Variants in RAB5C observed in about 807,000 individuals in gnomAD.
The protein encoded by RAB5C is ras-related protein Rab-5C.
A neutral mutation model predicts 25.2 loss-of-function variants in RAB5C; 4 were observed. The observed-to-expected ratio is 0.16, with a 90% confidence interval of 0.08 to 0.36. RAB5C has a LOEUF of 0.36. Among genes scored for constraint, RAB5C ranks in the 10% least tolerant of loss-of-function variants. The pLI is 1.00. For missense variants in RAB5C, 199 were observed against 283.8 expected (o/e 0.70, Z 2.15); for synonymous variants, 100 against 106.4 (o/e 0.94, Z 0.37).
Position 42,131,929 on chromosome 17 carries a change from G to A in RAB5C, c.-88-1339C>T, listed in dbSNP as rs945804590. Reference sequence around the variant, plus strand: ...AACAGGTCCTGTGAGTAGGTATTAAGTACTGAACACTGTTCAGCATTTGAA... The same window carrying A: ...AACAGGTCCTGTGAGTAGGTATTAAATACTGAACACTGTTCAGCATTTGAA... On this transcript the variant is annotated intron_variant, in intron 1 of 5. Coordinates refer to ENST00000346213, the MANE Select transcript of RAB5C (RefSeq NM_004583.4). The A allele has an allele frequency of 3.0e-5, 8 of 265,860 alleles. No homozygotes were observed. In the Admixed American group the frequency reaches 3.1e-4, roughly 10 times the overall value. 16.5% of individuals were successfully genotyped at this position (265,860 alleles called of 1,614,324 possible). A position where few individuals can be genotyped will look rare whatever the true frequency, so the allele number is the denominator to read the frequency against.
chr17:42,146,390 T>G (rs939172892), intron 1 of RAB5C, among the ~76,000 whole-genome samples: 59 of 152,204 alleles, frequency 3.9e-4, no homozygotes, highest in African/African-American at 1.4e-3. Context: ...GTAACTTTTC[T>G]AAAAGTATTC....
chr17:42,131,994 T>C (rs898378582), intron 1 of RAB5C, among the ~76,000 whole-genome samples: 1 of 152,184 alleles, frequency 6.6e-6, no homozygotes, highest in African/African-American at 2.4e-5. Context: ...GGCTGCCCTT[T>C]GCATAATGGA....
At chr17:42,128,181 C>T in intron 4 of RAB5C, 80 bp downstream of exon 4, 3 of 1,530,088 alleles carry the variant, frequency 2.0e-6, no homozygotes, top group Non-Finnish European at 2.6e-6. Flanking sequence ...ATGGCCCTTC[C>T]CAAAGCCCCT....
intron 1 of RAB5C, chr17:42,154,607 C>G (rs1157734534): frequency 6.6e-6 from 1 of 152,320 alleles, no homozygotes; most frequent in East Asian, 1.9e-4. Flanking sequence ...TCCTCCGATT[C>G]TGGAAGCAGG....
chr17:42,154,086 C>A (rs576208252), intron 1 of RAB5C, among the ~76,000 whole-genome samples: 1 of 152,092 alleles, frequency 6.6e-6, no homozygotes, highest in Non-Finnish European at 1.5e-5. Flanking sequence ...CCCTTTGAGG[C>A]GGCTGGGAAA....
At chr17:42,148,586 C>T (rs771858444) in intron 1 of RAB5C, among the ~76,000 whole-genome samples, 15 of 152,066 alleles carry the variant, frequency 9.9e-5, no homozygotes, top group Non-Finnish European at 2.1e-4. Flanking sequence ...AAGGGCTCAC[C>T]CACCAGAGAA....
rs754165479 is a variant in RAB5C at position 42,130,495 on chromosome 17, C to T, written c.8G>A (p.Gly3Asp). The stretch of plus-strand genomic sequence containing the variant: ...ATTGGGTCGTGCTGCGCCTCCCCGA[C>T]CCGCCATTGCCCGTCCAGCTGTAGT... MA[G>D]RGGAARPNGP... Residue 3 changes from glycine (G) to aspartate (D), a missense_variant, in exon 2 of 6, where the codon GGT becomes GAT. Transcript: ENST00000346213. 20 of 1,613,946 alleles carry T rather than the reference C, an allele frequency of 1.2e-5. No homozygotes were observed. In the East Asian group the frequency reaches 4.0e-4, roughly 32 times the overall value.
chr17:42,140,641 A>G (rs2079597289), intron 1 of RAB5C, among the ~76,000 whole-genome samples: 1 of 149,828 alleles, frequency 6.7e-6, no homozygotes, highest in African/African-American at 2.4e-5. Context: ...CTCGTGCTTC[A>G]GCCTCCTGAG....
At chr17:42,140,503 ATATATATATATATTT>A (rs1170968640) in intron 1 of RAB5C, among the ~76,000 whole-genome samples, 9 of 50,610 alleles carry the variant, frequency 1.8e-4, no homozygotes, top group East Asian at 1.6e-3. Flanking sequence ...ATATATATAT[ATATATATATATATTT>A]TTTTTTTTTT....
intron 1 of RAB5C, among the ~76,000 whole-genome samples, chr17:42,137,611 G>A (rs1040152279): frequency 9.2e-5 from 14 of 152,118 alleles, no homozygotes; most frequent in Admixed American, 4.6e-4. Flanking sequence ...ATCAAGGGCC[G>A]GGCACGGTGG....
intron 1 of RAB5C, among the ~76,000 whole-genome samples, chr17:42,144,817 C>T (rs920017708): frequency 6.6e-5 from 10 of 151,832 alleles, no homozygotes; most frequent in African/African-American, 1.7e-4. Flanking sequence ...GTCCCAGCTA[C>T]GCAGGAGGCT....
At position 42,146,570 on chromosome 17, in the gene RAB5C, G is replaced by A. The variant is rs939683326; in HGVS notation, c.-89+8323C>T. ...TCAAGACCATCCTGGCCAACATGGCGAAACCCCGTCTCTACTAAAAATATA... is the reference window on the plus strand; with the variant it reads ...TCAAGACCATCCTGGCCAACATGGCAAAACCCCGTCTCTACTAAAAATATA... On this transcript the variant is annotated intron_variant, in intron 1 of 5. Transcript: ENST00000346213. Among the ~76,000 whole-genome samples, 5 of 152,148 alleles carry A rather than the reference G, an allele frequency of 3.3e-5. No individual in the cohort carries two copies. In the South Asian group the frequency reaches 6.2e-4, roughly 19 times the overall value.
intron 1 of RAB5C, among the ~76,000 whole-genome samples, chr17:42,142,625 C>T (rs574013253): frequency 1.3e-5 from 2 of 152,188 alleles, no homozygotes; most frequent in Non-Finnish European, 2.9e-5. Context: ...CCTCTGACAG[C>T]CACCTGAAGG....
intron 1 of RAB5C, among the ~76,000 whole-genome samples, chr17:42,132,598 G>A (rs767849525): frequency 5.3e-5 from 8 of 151,744 alleles, no homozygotes; most frequent in East Asian, 1.9e-4. Context: ...AGAGTGCAGC[G>A]GTGTGATCAC....
At chr17:42,127,644 A>G (rs2054440278) in intron 4 of RAB5C, among the ~76,000 whole-genome samples, 1 of 149,318 alleles carries the variant, frequency 6.7e-6, no homozygotes, top group Non-Finnish European at 1.5e-5. Context: ...CCTGGCCTCT[A>G]ATGATCCTCC....
At chr17:42,134,972 T>TTC (rs1438451031) in intron 1 of RAB5C, among the ~76,000 whole-genome samples, 1 of 147,266 alleles carries the variant, frequency 6.8e-6, no homozygotes, top group African/African-American at 2.6e-5. Flanking sequence ...ATTCTTTTTT[T>TTC]TTCTTAAGTT....
In RAB5C at chr17:42,125,862, G is replaced by A; in HGVS notation, c.572C>T (p.Thr191Ile). The A allele has an allele frequency of 1.2e-6, 2 of 1,612,022 alleles. No homozygotes were observed. The highest frequency in any genetic ancestry group is 1.7e-6 in the Non-Finnish European group (2 of 1,179,236). ...ACCTCGGTTTCGGCCTGGAGCACCAGTTGCATTCTGGGGCTCGTTCTTGGG... is the reference window on the plus strand; with the variant it reads ...ACCTCGGTTTCGGCCTGGAGCACCAATTGCATTCTGGGGCTCGTTCTTGGG... Reference protein sequence around the residue: ...KLPKNEPQNATGAPGRNRGVD... With the variant: ...KLPKNEPQNAIGAPGRNRGVD... Residue 191 changes from threonine (T) to isoleucine (I), a missense_variant, in exon 6 of 6, where the codon ACT becomes ATT. Thr to Ile is a moderately conservative substitution (Grantham distance 89). Coordinates refer to ENST00000346213, the MANE Select transcript of RAB5C (RefSeq NM_004583.4).
intron 1 of RAB5C, 88 bp from the exon 2 acceptor site, chr17:42,130,678 C>A (rs2144066354): frequency 7.0e-7 from 1 of 1,428,422 alleles, no homozygotes. Flanking sequence ...TCCCTCTGGC[C>A]TCACTGAAGA....
At chr17:42,133,449 T>C (rs73311661) in intron 1 of RAB5C, among the ~76,000 whole-genome samples, 2,924 of 152,302 alleles carry the variant, frequency 0.019, 95 homozygotes, top group African/African-American at 0.067. Context: ...AATGTGATTT[T>C]TAAAAACAAG....
Sources: gnomAD v4.1 joint callset for allele counts (sites outside exome capture counted in the v4.1 genomes callset) on GRCh38, gnomAD v4.1.1 for gene constraint, MANE v1.5 for transcripts, NCBI Gene and HGNC (gene_info 2026-07-23, HGNC 2026-07-21) for gene names.